The following DNAH9 variants were observed in gnomAD, a reference collection of about 807,000 sequenced individuals.
The protein encoded by DNAH9 is dynein axonemal heavy chain 9.
In DNAH9, 345 loss-of-function variants were observed where a neutral mutation model predicts 471.6. The ratio of observed to expected loss-of-function variants is 0.73; its 90% CI spans 0.67 to 0.80. The LOEUF (loss-of-function observed/expected upper bound fraction) is 0.80, where lower values mean the gene tolerates loss of function less well. Among genes scored for constraint, DNAH9 ranks in the 30% least tolerant of loss-of-function variants. DNAH9 has a pLI of 0.00. For synonymous variants in DNAH9, 2,093 were observed against 2,123.6 expected, an observed-to-expected ratio of 0.99 and a Z score of 0.40; for missense variants, 5,407 against 5,609.2, an observed-to-expected ratio of 0.96 and a Z score of 1.15.
At position 11,962,214 on chromosome 17, in the gene DNAH9, C is replaced by G; in HGVS notation, c.13191C>G (p.Tyr4397Ter). 10 of 1,612,994 alleles carry G rather than the reference C, an allele frequency of 6.2e-6. No homozygotes were observed. Among genetic ancestry groups the G allele is most frequent in the Non-Finnish European group, 8.5e-6 (10 of 1,179,590 alleles). Residue 4397 changes from tyrosine (Y) to a stop codon, truncating the protein, a stop_gained, in exon 68 of 69, where the codon TAC becomes TAG. Transcript: ENST00000262442. LOFTEE classifies it high-confidence loss of function. This position sits in a 1 kb window ranked among gnomAD's most constrained non-coding sequence, Gnocchi z 4.1. ...GGAGTCCTCCTCGGGAAGGGGCCTA[C>G]ATCCATGGCCTCTTCATGGAAGGTG... Reference protein sequence around the residue: ...EFRSPPREGAYIHGLFMEGAC... With the variant: ...EFRSPPREGA
intron 45 of DNAH9, among the ~76,000 whole-genome samples, chr17:11,819,408 C>G (rs1159378619): frequency 1.3e-5 from 2 of 152,050 alleles, no homozygotes; most frequent in Admixed American, 6.6e-5. Flanking sequence ...ATTAGTCCAG[C>G]CCTTGTCTGC....
intron 67 of DNAH9, among the ~76,000 whole-genome samples, chr17:11,944,596 C>A (rs546156653): frequency 4.3e-4 from 66 of 152,282 alleles, no homozygotes; most frequent in African/African-American, 1.6e-3. Context: ...GTAGCTGGGA[C>A]CTTTGTCTAC....
At chr17:11,724,786 G>A (rs1187387851) in intron 27 of DNAH9, among the ~76,000 whole-genome samples, 1 of 152,164 alleles carries the variant, frequency 6.6e-6, no homozygotes. Flanking sequence ...GTGGGGGATG[G>A]TCTCGGGATG....
chr17:11,784,585 C>T (rs767352953), intron 41 of DNAH9, 46 bp downstream of exon 41: 5 of 1,612,038 alleles, frequency 3.1e-6, no homozygotes, highest in Non-Finnish European at 4.2e-6. Flanking sequence ...AGTGATTATC[C>T]AGATGCTCCG....
At chr17:11,800,893 T>G (rs1190701163) in intron 43 of DNAH9, among the ~76,000 whole-genome samples, 1 of 152,100 alleles carries the variant, frequency 6.6e-6, no homozygotes, top group Non-Finnish European at 1.5e-5. Flanking sequence ...GCTTAGCATG[T>G]TATATGAGAC....
chr17:11,612,279 C>A, intron 4 of DNAH9: 1 of 213,856 alleles, frequency 4.7e-6, no homozygotes, highest in Non-Finnish European at 9.6e-6. Context: ...CCTAACCATG[C>A]CTTCCAGGAC....
Position 11,870,074 on chromosome 17 carries a change from C to T in DNAH9, c.10053+821C>T, listed in dbSNP as rs116479133. Among the ~76,000 whole-genome samples, 256 of 152,238 alleles carry T rather than the reference C, an allele frequency of 1.7e-3. 1 individual carries two copies. Among genetic ancestry groups the T allele is most frequent in the African/African-American group, 5.8e-3 (243 of 41,556 alleles). On this transcript the variant is annotated intron_variant, in intron 51 of 68. Transcript: ENST00000262442. ...CATTCCCTCTAGCAGGGTAGTCGGA[C>T]GTCTTACACAGTAACTCAGGACATC... is the stretch of plus-strand genomic sequence containing the variant.
chr17:11,817,817 G>T (rs1009268076), intron 45 of DNAH9, among the ~76,000 whole-genome samples: 37 of 152,068 alleles, frequency 2.4e-4, no homozygotes, highest in African/African-American at 8.9e-4. Flanking sequence ...CTATCTCAAA[G>T]AATAGAAATT....
intron 14 of DNAH9, among the ~76,000 whole-genome samples, chr17:11,661,849 A>T (rs2073770619): frequency 3.9e-5 from 6 of 152,114 alleles, no homozygotes; most frequent in Admixed American, 3.9e-4. Context: ...TACTTTTAAA[A>T]TTTAAGAAAA....
At chr17:11,664,315 TTTTA>T (rs149467092) in intron 14 of DNAH9, among the ~76,000 whole-genome samples, 142 of 152,136 alleles carry the variant, frequency 9.3e-4, no homozygotes, top group South Asian at 2.5e-3. Context: ...GAGAAACATT[TTTTA>T]TTTATTTGTG....
At position 11,699,861 on chromosome 17, in the gene DNAH9, A is replaced by G. The variant is rs1157376012; in HGVS notation, c.5003A>G (p.Glu1668Gly). 3 of 1,614,170 alleles carry G rather than the reference A, an allele frequency of 1.9e-6. No individual in the cohort carries two copies. Among genetic ancestry groups the G allele is most frequent in the Non-Finnish European group, 2.5e-6 (3 of 1,180,022 alleles). ...GAAGAGGAGTATGTGGCTTTCAGTG[A>G]GCCCTGTGACTGCAGCGGGCAGGTA... ...SKEEEYVAFS[E>G]PCDCSGQVEI... is the part of the protein sequence containing the mutation. The change falls in exon 23 of 69, where the codon GAG (glutamate) becomes GGG (glycine). Residue 1668 changes from glutamate (E) to glycine (G), a missense_variant. Physicochemically the swap from Glu to Gly is moderately conservative, Grantham distance 98 (BLOSUM62 -2). This residue lies in a region of DNAH9 where 4,636 missense variants were observed against 4,900.3 expected (regional missense o/e 0.95). Transcript: ENST00000262442.
chr17:11,798,890 A>C (rs1969352640), intron 43 of DNAH9, among the ~76,000 whole-genome samples: 1 of 152,036 alleles, frequency 6.6e-6, no homozygotes, highest in Non-Finnish European at 1.5e-5. Context: ...TGGCACATTT[A>C]AGTCCTTTCT....
rs543008819 is a variant in DNAH9, at chr17:11,869,062, C to A, written c.9934-72C>A. The A allele has an allele frequency of 4.5e-5, 70 of 1,556,526 alleles. No homozygotes were observed. In the East Asian group the frequency reaches 1.4e-3, roughly 31 times the overall value. On this transcript the variant is annotated intron_variant, in intron 50 of 68. Transcript: ENST00000262442. ...TCCTTCAGAACCACCTCCATGTGAACCCTCATCTAATGAGCACTGGTAGTT... is the reference window on the plus strand; with the variant it reads ...TCCTTCAGAACCACCTCCATGTGAAACCTCATCTAATGAGCACTGGTAGTT...
chr17:11,762,773 T>TG lies in DNAH9; in HGVS notation c.6996-667_6996-666insG, dbSNP rs1436527263. 5.0e-4 allele frequency among the ~76,000 whole-genome samples: 55 copies of TG among 109,252 alleles called. 2 individuals are homozygous for TG. The highest frequency in any genetic ancestry group is 6.9e-4 in the Non-Finnish European group (38 of 55,004). The allele number at this position is 109,252 out of a possible 152,430, so 71.7% of individuals were successfully genotyped here. On this transcript the variant is annotated intron_variant, in intron 35 of 68. Coordinates refer to ENST00000262442, the MANE Select transcript of DNAH9 (RefSeq NM_001372.4). ...CTTTAGGTGCGTTTTTTTTTTTGTT[T>TG]TTTTTTTTTTTTTTTTTTTTTTTTG... is the stretch of plus-strand genomic sequence containing the variant.
At chr17:11,960,395 T>G (rs1281275951) in intron 67 of DNAH9, among the ~76,000 whole-genome samples, 2 of 133,598 alleles carry the variant, frequency 1.5e-5, no homozygotes, top group African/African-American at 5.7e-5. Context: ...GAGATCGTGC[T>G]ACTGCACTCC....
chr17:11,869,292 T>C, intron 51 of DNAH9, 39 bp downstream of exon 51: 1 of 1,607,296 alleles, frequency 6.2e-7, no homozygotes, highest in Non-Finnish European at 8.5e-7. Context: ...GTAATTATAT[T>C]AGCAGGCTTG....
intron 59 of DNAH9, among the ~76,000 whole-genome samples, chr17:11,898,016 T>C (rs1219267598): frequency 8.5e-5 from 13 of 152,366 alleles, no homozygotes; most frequent in Admixed American, 7.8e-4. Context: ...TGTCTTTTGC[T>C]TTGTGGCAGC....
At chr17:11,730,075 A>G (rs1202425580) in intron 28 of DNAH9, among the ~76,000 whole-genome samples, 2 of 152,232 alleles carry the variant, frequency 1.3e-5, no homozygotes, top group East Asian at 3.9e-4. Context: ...GAAAGTTGCC[A>G]GAACGTGAGG....
In DNAH9 at chr17:11,647,056, T is replaced by G; in HGVS notation, c.1971-16T>G. ...GAGGGGGCTTATGAGGTGGCTGTTG[T>G]CTCTGACCCTTGCAGGTATGAGACA... On this transcript the variant is annotated splice_polypyrimidine_tract_variant and intron_variant, in intron 11 of 68. Transcript: ENST00000262442. 1 of 1,613,196 alleles carries G rather than the reference T, an allele frequency of 6.2e-7. No homozygotes were observed. The highest frequency in any genetic ancestry group is 8.5e-7 in the Non-Finnish European group (1 of 1,179,574).
Sources: gnomAD v4.1 joint callset for allele counts (sites outside exome capture counted in the v4.1 genomes callset) on GRCh38, gnomAD v4.1.1 for gene constraint, gnomAD v4.1.1 regional missense constraint, Gnocchi (gnomAD v3.1) non-coding constraint, MANE v1.5 for transcripts, NCBI Gene and HGNC (gene_info 2026-07-23, HGNC 2026-07-21) for gene names.